TRIP4: variants seen among roughly 807,000 people sequenced by gnomAD.
TRIP4 encodes the protein thyroid hormone receptor interactor 4.
Under a neutral mutation model 81.8 loss-of-function variants are expected in TRIP4, and 54 were observed. The ratio of observed to expected loss-of-function variants is 0.66; its 90% CI spans 0.53 to 0.83. TRIP4 has a LOEUF of 0.83. TRIP4 is among the 40% of genes least tolerant of loss of function. The probability of loss-of-function intolerance (pLI) is 0.00; values close to 1 mark genes in which losing one functional copy is unlikely to be tolerated. For missense variants in TRIP4, 662 were observed against 683.6 expected (o/e 0.97, Z 0.35); for synonymous variants, 270 against 242.8 (o/e 1.11, Z -1.04).
At chr15:64,429,994 T>A (rs567392996) in intron 11 of TRIP4, among the ~76,000 whole-genome samples, 1 of 152,316 alleles carries the variant, frequency 6.6e-6, no homozygotes, top group South Asian at 2.1e-4. Context: ...CTTTCTTTGA[T>A]AAGTTAAAAT....
intron 9 of TRIP4, among the ~76,000 whole-genome samples, chr15:64,419,940 C>G (rs576890252): frequency 6.6e-6 from 1 of 150,902 alleles, no homozygotes; most frequent in Admixed American, 6.6e-5. Flanking sequence ...CTCAGCCTCC[C>G]GAGTAGCTGG....
chr15:64,414,463 A>G (rs1235963832), intron 8 of TRIP4, among the ~76,000 whole-genome samples: 2 of 151,208 alleles, frequency 1.3e-5, no homozygotes, highest in African/African-American at 2.4e-5. Flanking sequence ...GTTAAGTACT[A>G]TAGAAATTTA....
At chr15:64,402,746 G>A (rs372918024) in intron 5 of TRIP4, among the ~76,000 whole-genome samples, 6 of 151,510 alleles carry the variant, frequency 4.0e-5, no homozygotes, top group African/African-American at 1.5e-4. Context: ...GGCTGGTCTC[G>A]AACTCCTGAC....
intron 12 of TRIP4, 28 bp downstream of exon 12, chr15:64,445,136 C>G: frequency 7.8e-7 from 1 of 1,281,620 alleles, no homozygotes; most frequent in Non-Finnish European, 1.1e-6. Context: ...TTCTTTAAGA[C>G]TAGTCAAGTG....
intron 11 of TRIP4, among the ~76,000 whole-genome samples, chr15:64,439,512 CTTTTTTTTTTT>C (rs71895300): frequency 1.0e-4 from 5 of 47,928 alleles, no homozygotes; most frequent in African/African-American, 1.0e-4. Flanking sequence ...ACTTATAAAT[CTTTTTTTTTTT>C]TTTTTTTTTT....
intron 11 of TRIP4, among the ~76,000 whole-genome samples, chr15:64,444,407 A>AT (rs1566985581): frequency 6.6e-6 from 1 of 152,230 alleles, no homozygotes; most frequent in African/African-American, 2.4e-5. Context: ...ATGATAAGAG[A>AT]TCCAAAGGAG....
At chr15:64,391,339 T>G (rs1900124278) in intron 1 of TRIP4, among the ~76,000 whole-genome samples, 1 of 151,738 alleles carries the variant, frequency 6.6e-6, no homozygotes, top group African/African-American at 2.4e-5. Flanking sequence ...GTATTTTTAG[T>G]GGAGATGGGA....
intron 5 of TRIP4, 103 bp from the exon 6 acceptor site, chr15:64,406,227 A>C: frequency 2.1e-6 from 3 of 1,429,570 alleles, no homozygotes; most frequent in Non-Finnish European, 2.9e-6. Flanking sequence ...CCAGGCCATC[A>C]GGCCAGAACC....
chr15:64,431,431 C>T (rs148725981), intron 11 of TRIP4, among the ~76,000 whole-genome samples: 1,987 of 152,126 alleles, frequency 0.013, 33 homozygotes, highest in African/African-American at 0.046. Context: ...AGGCTGGGCA[C>T]GGTGGCTCAC....
chr15:64,411,691 T>TTG (rs1053124386), intron 7 of TRIP4, among the ~76,000 whole-genome samples: 23 of 151,770 alleles, frequency 1.5e-4, no homozygotes, highest in Non-Finnish European at 3.2e-4. Context: ...TACTGTTTTT[T>TTG]TTTTTTGAGA....
At chr15:64,444,195 A>T (rs1892575027) in intron 11 of TRIP4, among the ~76,000 whole-genome samples, 1 of 152,242 alleles carries the variant, frequency 6.6e-6, no homozygotes. Flanking sequence ...AGTCTGACCC[A>T]GAAGCCTATG....
At chr15:64,429,389 T>C (rs917505239) in intron 11 of TRIP4, among the ~76,000 whole-genome samples, 2 of 152,236 alleles carry the variant, frequency 1.3e-5, no homozygotes, top group African/African-American at 4.8e-5. Flanking sequence ...ATTCTTGTTT[T>C]CTGAATGAAT....
intron 5 of TRIP4, among the ~76,000 whole-genome samples, chr15:64,403,811 G>C (rs1891565203): frequency 6.6e-6 from 1 of 152,052 alleles, no homozygotes; most frequent in Non-Finnish European, 1.5e-5. Context: ...TTACTTCCTT[G>C]TGATAAATTG....
chr15:64,431,847 A>ATATATTTTTTTTTTTTTTTTTT, intron 11 of TRIP4, among the ~76,000 whole-genome samples: 6 of 119,558 alleles, frequency 5.0e-5, no homozygotes, highest in African/African-American at 1.6e-4. Context: ...ATATATATAT[A>ATATATTTTTTTTTTTTTTTTTT]TTTTTTTTAT....
At chr15:64,429,785 C>T (rs113133134) in intron 11 of TRIP4, among the ~76,000 whole-genome samples, 1 of 152,152 alleles carries the variant, frequency 6.6e-6, no homozygotes, top group Non-Finnish European at 1.5e-5. Context: ...TGACCTGTGC[C>T]TTCCCTTCAG....
intron 4 of TRIP4, among the ~76,000 whole-genome samples, chr15:64,400,085 C>T (rs568057280): frequency 6.6e-6 from 1 of 150,946 alleles, no homozygotes; most frequent in East Asian, 2.0e-4. Context: ...TAAAAAGCAA[C>T]CCAGTTCTAA....
intron 12 of TRIP4, among the ~76,000 whole-genome samples, chr15:64,449,370 A>T (rs949359323): frequency 8.6e-5 from 13 of 150,716 alleles, no homozygotes; most frequent in Admixed American, 6.0e-4. Context: ...TCGAAATTCC[A>T]AACTTTTATT....
chr15:64,420,783 C>A (rs138703324), intron 9 of TRIP4, among the ~76,000 whole-genome samples: 7,357 of 151,878 alleles, frequency 0.048, 235 homozygotes, highest in South Asian at 0.09. Flanking sequence ...CTGCCCGCCT[C>A]GGCCTCTCAA....
intron 5 of TRIP4, among the ~76,000 whole-genome samples, chr15:64,404,382 G>A (rs953339438): frequency 9.9e-5 from 15 of 151,734 alleles, no homozygotes; most frequent in African/African-American, 3.4e-4. Context: ...GTGCAGTGGC[G>A]TGATCTTGGC....
Sources: allele counts gnomAD v4.1 joint callset (sites outside exome capture counted in the v4.1 genomes callset), GRCh38; gene constraint gnomAD v4.1.1; transcripts MANE v1.5; gene names NCBI Gene and HGNC (gene_info 2026-07-23, HGNC 2026-07-21).